Variants in AUTS2 observed in about 807,000 individuals in gnomAD.
The protein encoded by AUTS2 is autism susceptibility gene 2 protein.
Under a neutral mutation model 112.4 loss-of-function variants are expected in AUTS2, and 17 were observed. That is an observed-to-expected ratio of 0.15 (90% CI 0.10 to 0.23). The LOEUF is 0.23. AUTS2 is among the 10% of genes least tolerant of loss of function. The probability of loss-of-function intolerance (pLI) is 1.00; values close to 1 mark genes in which losing one functional copy is unlikely to be tolerated. For synonymous variants in AUTS2, 751 were observed against 702.7 expected, an observed-to-expected ratio of 1.07 and a Z score of -1.09; for missense variants, 1,510 against 1,701.6, an observed-to-expected ratio of 0.89 and a Z score of 1.98.
At chr7:69,675,502 A>C (rs1584050545) in intron 1 of AUTS2, among the ~76,000 whole-genome samples, 1 of 119,314 alleles carries the variant, frequency 8.4e-6, no homozygotes. Flanking sequence ...GTTTTGGCTG[A>C]GGGTTTTTTT....
intron 2 of AUTS2, among the ~76,000 whole-genome samples, chr7:69,970,872 G>A (rs190434272): frequency 1.3e-5 from 2 of 152,082 alleles, no homozygotes; most frequent in Admixed American, 6.6e-5. Flanking sequence ...ATCCCTGCAC[G>A]TAATAGATAT....
intron 6 of AUTS2, among the ~76,000 whole-genome samples, chr7:70,756,674 A>G (rs1232660440): frequency 1.3e-5 from 2 of 152,222 alleles, no homozygotes; most frequent in African/African-American, 4.8e-5. Context: ...TACTTCTACT[A>G]CAAATGCAGA....
Position 70,790,675 on chromosome 7 carries a change from G to A in AUTS2, c.3459G>A (p.Glu1153=). The A allele has an allele frequency of 6.2e-7, 1 of 1,613,648 alleles. No individual in the cohort carries two copies. The highest frequency in any genetic ancestry group is 1.1e-5 in the South Asian group (1 of 91,072). ...HERGGHLDER[E]RLHMLREDYE... ...GGGGAGGCCACCTGGACGAGCGGGAGCGCTTGCACATGCTCAGAGAAGACT... is the reference window on the plus strand; with the variant it reads ...GGGGAGGCCACCTGGACGAGCGGGAACGCTTGCACATGCTCAGAGAAGACT... The change falls in exon 19 of 19, where the codon GAG becomes GAA. Residue 1153 remains glutamate (E), a synonymous_variant. Coordinates refer to ENST00000342771, the MANE Select transcript of AUTS2 (RefSeq NM_015570.4). The surrounding 1 kb of genome is among the most constrained non-coding windows in gnomAD (Gnocchi z 7.6).
chr7:70,676,185 G>C (rs1807902694), intron 5 of AUTS2, among the ~76,000 whole-genome samples: 1 of 152,164 alleles, frequency 6.6e-6, no homozygotes, highest in South Asian at 2.1e-4. Flanking sequence ...TCATGCCTAT[G>C]ATCCCAACAC....
chr7:69,847,105 C>A (rs1016861373), intron 1 of AUTS2, among the ~76,000 whole-genome samples: 1 of 152,122 alleles, frequency 6.6e-6, no homozygotes, highest in Non-Finnish European at 1.5e-5. Flanking sequence ...CCCTACCCCC[C>A]AGTACATGCA....
At chr7:70,459,387 C>T (rs1290065380) in intron 5 of AUTS2, among the ~76,000 whole-genome samples, 1 of 152,196 alleles carries the variant, frequency 6.6e-6, no homozygotes, top group East Asian at 1.9e-4. Context: ...GTACCTTCAA[C>T]TCTTTTTGTA....
At chr7:70,301,069 T>G (rs1274522820) in intron 4 of AUTS2, among the ~76,000 whole-genome samples, 1 of 152,246 alleles carries the variant, frequency 6.6e-6, no homozygotes, top group Non-Finnish European at 1.5e-5. Flanking sequence ...AATTCTATAT[T>G]TCTTTCTTAA....
At chr7:69,864,785 T>C (rs1793144617) in intron 1 of AUTS2, among the ~76,000 whole-genome samples, 1 of 152,198 alleles carries the variant, frequency 6.6e-6, no homozygotes, top group Non-Finnish European at 1.5e-5. Context: ...ACTGACACTG[T>C]GATTTGTGTT....
Position 70,144,616 on chromosome 7 carries a change from T to A in AUTS2, c.660+10045T>A, listed in dbSNP as rs574009033. ...TTACAGTAGACCTATTATTTTGGTT[T>A]TACATAGGTCCAGAGTTACAGAACC... On this transcript the variant is annotated intron_variant, in intron 4 of 18. Transcript: ENST00000342771. Among the ~76,000 whole-genome samples, 7 of 152,202 alleles carry A rather than the reference T, an allele frequency of 4.6e-5. No individual in the cohort carries two copies. The South Asian group carries it at 1.4e-3, about 32-fold the overall frequency.
rs1791354491 is a variant in AUTS2, at chr7:70,785,001, A to C, written c.2206A>C (p.Asn736His). The C allele has an allele frequency of 6.2e-7, 1 of 1,614,184 alleles. No individual in the cohort carries two copies. Among genetic ancestry groups the C allele is most frequent in the African/African-American group, 1.3e-5 (1 of 75,054 alleles). ...ACCTCCTCATCACAGCAACTTCCTCAACCCTGCTGCCCACCTAGGTGAGTC... is the reference window on the plus strand; with the variant it reads ...ACCTCCTCATCACAGCAACTTCCTCCACCCTGCTGCCCACCTAGGTGAGTC... ...GPPPHHSNFL[N>H]PAAHLEPFNR... The change falls in exon 16 of 19, where the codon AAC becomes CAC. Residue 736 changes from asparagine to histidine, a missense_variant. Asn to His is a moderately conservative substitution (Grantham distance 68). Transcript: ENST00000342771.
At chr7:70,746,898 G>T (rs1379623255) in intron 6 of AUTS2, among the ~76,000 whole-genome samples, 1 of 152,174 alleles carries the variant, frequency 6.6e-6, no homozygotes, top group East Asian at 1.9e-4. Context: ...GCGGACAGTG[G>T]ATTCTGTAAC....
chr7:69,796,456 G>A (rs1423302412), intron 1 of AUTS2, among the ~76,000 whole-genome samples: 4 of 151,770 alleles, frequency 2.6e-5, no homozygotes, highest in Non-Finnish European at 4.4e-5. Context: ...TCAGGAGTTC[G>A]AGGCTGCAGT....
chr7:69,651,438 T>G (rs1795282694), intron 1 of AUTS2, among the ~76,000 whole-genome samples: 1 of 152,202 alleles, frequency 6.6e-6, no homozygotes, highest in Non-Finnish European at 1.5e-5. Flanking sequence ...CATTTCTGGA[T>G]TGTTTGAACT....
chr7:70,136,556 C>T (rs937329112), intron 4 of AUTS2, among the ~76,000 whole-genome samples: 3 of 152,162 alleles, frequency 2.0e-5, no homozygotes, highest in Admixed American at 6.6e-5. Flanking sequence ...GCACAACTTA[C>T]ATTAGTTCTT....
chr7:69,605,349 A>G (rs561786546), intron 1 of AUTS2, among the ~76,000 whole-genome samples: 2 of 152,162 alleles, frequency 1.3e-5, no homozygotes, highest in African/African-American at 4.8e-5. Flanking sequence ...AGACTAGTCC[A>G]TGTCTTTTCC....
At chr7:70,370,553 A>G (rs1792794196) in intron 4 of AUTS2, among the ~76,000 whole-genome samples, 2 of 152,200 alleles carry the variant, frequency 1.3e-5, no homozygotes, top group South Asian at 4.1e-4. Flanking sequence ...CATTACATTG[A>G]TACACCACAT....
intron 2 of AUTS2, among the ~76,000 whole-genome samples, chr7:69,903,206 G>A (rs1223448442): frequency 6.6e-6 from 1 of 152,054 alleles, no homozygotes; most frequent in African/African-American, 2.4e-5. Context: ...TCTCTAATTG[G>A]GAGACCAAGT....
intron 6 of AUTS2, among the ~76,000 whole-genome samples, chr7:70,714,822 C>G (rs977157149): frequency 6.6e-6 from 1 of 152,186 alleles, no homozygotes; most frequent in Non-Finnish European, 1.5e-5. Context: ...ATAGGCATTG[C>G]AACGAACCTC....
chr7:69,805,345 G>C (rs945514802), intron 1 of AUTS2, among the ~76,000 whole-genome samples: 1 of 152,120 alleles, frequency 6.6e-6, no homozygotes, highest in Non-Finnish European at 1.5e-5. Context: ...ATGTTTTTAC[G>C]TTAGACAAAC....
Sources: gnomAD v4.1 joint callset for allele counts (sites outside exome capture counted in the v4.1 genomes callset) on GRCh38, gnomAD v4.1.1 for gene constraint, Gnocchi (gnomAD v3.1) non-coding constraint, MANE v1.5 for transcripts, NCBI Gene and HGNC (gene_info 2026-07-23, HGNC 2026-07-21) for gene names.